Variants in EPB41L4A observed in about 807,000 individuals in gnomAD.
EPB41L4A encodes the protein band 4.1-like protein 4A.
EPB41L4A carries 100 observed loss-of-function variants against 108.6 expected under a neutral mutation model. The ratio of observed to expected loss-of-function variants is 0.92; its 90% CI spans 0.78 to 1.09. EPB41L4A has a LOEUF of 1.09. Ranked by LOEUF, EPB41L4A falls within the 50% of genes least tolerant of loss-of-function variation. EPB41L4A has a pLI of 0.00. For synonymous variants in EPB41L4A, 319 were observed against 289.0 expected (o/e 1.10, Z -1.05); for missense variants, 1,030 against 842.7 (o/e 1.22, Z -2.75).
chr5:112,289,616 C>A (rs903671044), intron 2 of EPB41L4A, among the ~76,000 whole-genome samples: 11 of 152,166 alleles, frequency 7.2e-5, no homozygotes, highest in African/African-American at 2.7e-4. Context: ...TGGATGTTTT[C>A]CCTTGCGAGG....
intron 19 of EPB41L4A, among the ~76,000 whole-genome samples, chr5:112,170,614 TA>T (rs1760519201): frequency 6.6e-6 from 1 of 152,234 alleles, no homozygotes; most frequent in African/African-American, 2.4e-5. Context: ...CATTTCCCTA[TA>T]AAAGATCTGC....
At chr5:112,334,115 C>A (rs972694038) in intron 1 of EPB41L4A, among the ~76,000 whole-genome samples, 1 of 152,034 alleles carries the variant, frequency 6.6e-6, no homozygotes, top group African/African-American at 2.4e-5. Flanking sequence ...ACACAGCCAA[C>A]CATTATTAAT....
At chr5:112,329,183 C>T (rs1019476833) in intron 1 of EPB41L4A, among the ~76,000 whole-genome samples, 9 of 151,974 alleles carry the variant, frequency 5.9e-5, no homozygotes, top group African/African-American at 1.9e-4. Flanking sequence ...AACAAAATTG[C>T]TAATTTTTTA....
intron 1 of EPB41L4A, among the ~76,000 whole-genome samples, chr5:112,396,901 T>C (rs1012874739): frequency 6.6e-6 from 1 of 152,354 alleles, no homozygotes; most frequent in South Asian, 2.1e-4. Flanking sequence ...ATGACCAACA[T>C]GGTGCAAGTA....
At chr5:112,229,979 C>A (rs1748755029) in intron 12 of EPB41L4A, among the ~76,000 whole-genome samples, 1 of 138,530 alleles carries the variant, frequency 7.2e-6, no homozygotes, top group Non-Finnish European at 1.6e-5. Context: ...CAGAGCTAGA[C>A]TCTGTCTCAA....
rs148582213 is a variant in EPB41L4A at position 112,323,909 on chromosome 5, G to C, written c.100-16419C>G. ...TTCTCAAATGCAACACTGGAAACTA[G>C]AGCACAATTAAACATTGACTCCTGA... On this transcript the variant is annotated intron_variant, in intron 1 of 22. Transcript: ENST00000261486. Among the ~76,000 whole-genome samples, 37 of 152,306 alleles carry C rather than the reference G, an allele frequency of 2.4e-4. No homozygotes were observed. In the East Asian group the frequency reaches 6.9e-3, roughly 29 times the overall value.
chr5:112,178,250 G>A (rs887077967), intron 18 of EPB41L4A, among the ~76,000 whole-genome samples: 22 of 152,054 alleles, frequency 1.4e-4, no homozygotes, highest in African/African-American at 5.3e-4. Context: ...AGTTCATCAG[G>A]AAGGAAAAAA....
intron 1 of EPB41L4A, among the ~76,000 whole-genome samples, chr5:112,349,511 GACAA>G (rs1757901059): frequency 6.6e-6 from 1 of 152,190 alleles, no homozygotes; most frequent in Non-Finnish European, 1.5e-5. Context: ...CTGCTATAGG[GACAA>G]ACAGAGAGCT....
In EPB41L4A at chr5:112,148,110, C is replaced by T. The variant is rs543928854; in HGVS notation, n.995-2112G>A. On this transcript the variant is annotated intron_variant and non_coding_transcript_variant, in intron 12 of 13. Coordinates refer to the EPB41L4A transcript ENST00000507810. ...GTATTACTATAATATAATAGTATTA[C>T]TATATAATATAATAATATAATAGTA... Among the ~76,000 whole-genome samples, 246 of 143,718 alleles carry T rather than the reference C, an allele frequency of 1.7e-3. 1 individual carries two copies. Among genetic ancestry groups the T allele is most frequent in the African/African-American group, 5.8e-3 (226 of 39,200 alleles). The allele number at this position is 143,718 out of a possible 152,430, so 94.3% of individuals were successfully genotyped here.
intron 12 of EPB41L4A, among the ~76,000 whole-genome samples, chr5:112,212,034 C>A (rs1355912654): frequency 6.6e-6 from 1 of 152,184 alleles, no homozygotes; most frequent in African/African-American, 2.4e-5. Context: ...AAATGGAACA[C>A]AACCAATTAA....
At chr5:112,380,462 AAGAT>A (rs1314413103) in intron 1 of EPB41L4A, among the ~76,000 whole-genome samples, 2 of 152,136 alleles carry the variant, frequency 1.3e-5, no homozygotes, top group Non-Finnish European at 2.9e-5. Flanking sequence ...AATAACTCTA[AAGAT>A]AGATAGGAAT....
At chr5:112,170,416 A>C (rs368980318) in intron 19 of EPB41L4A, 47 bp from the exon 20 acceptor site, 15 of 1,227,232 alleles carry the variant, frequency 1.2e-5, no homozygotes, top group Non-Finnish European at 1.6e-5. Context: ...GCTGGTATAA[A>C]TGCTAGTATC....
At chr5:112,394,526 C>T (rs1761195477) in intron 1 of EPB41L4A, among the ~76,000 whole-genome samples, 1 of 152,182 alleles carries the variant, frequency 6.6e-6, no homozygotes, top group Non-Finnish European at 1.5e-5. Context: ...AGGAATCCAA[C>T]TTGCAAGGGA....
chr5:112,271,196 A>T (rs1194910112), intron 4 of EPB41L4A, among the ~76,000 whole-genome samples: 4 of 152,224 alleles, frequency 2.6e-5, no homozygotes, highest in Non-Finnish European at 5.9e-5. Flanking sequence ...GGGGATAGTA[A>T]AATGATTCAT....
chr5:112,276,529 T>C (rs1011896281), intron 3 of EPB41L4A, among the ~76,000 whole-genome samples: 3 of 152,218 alleles, frequency 2.0e-5, no homozygotes, highest in South Asian at 2.1e-4. Flanking sequence ...TTACCTGGTA[T>C]ACCAATTAGT....
At chr5:112,160,334 G>A (rs767304668), downstream of EPB41L4A, among the ~76,000 whole-genome samples, 7 of 152,054 alleles carry the variant, frequency 4.6e-5, no homozygotes, top group Non-Finnish European at 8.8e-5. Context: ...CACTTACATT[G>A]TAGAATTTCA....
intron 1 of EPB41L4A, among the ~76,000 whole-genome samples, chr5:112,351,706 G>A (rs889654108): frequency 5.3e-5 from 8 of 152,020 alleles, no homozygotes; most frequent in Non-Finnish European, 1.2e-4. Flanking sequence ...AAAAACTGTA[G>A]GCCTATATCC....
intron 9 of EPB41L4A, 73 bp from the exon 10 acceptor site, chr5:112,240,883 C>T (rs1721657832): frequency 3.6e-6 from 3 of 838,274 alleles, no homozygotes; most frequent in Non-Finnish European, 5.6e-6. Flanking sequence ...ATAACAGCCC[C>T]CTTTAAGTAA....
At chr5:112,347,235 T>C (rs10035153) in intron 1 of EPB41L4A, among the ~76,000 whole-genome samples, 7,328 of 152,302 alleles carry the variant, frequency 0.048, 239 homozygotes, top group Non-Finnish European at 0.069. Context: ...AGGGGATCCA[T>C]GAGGTCAAAA....
Sources: allele counts gnomAD v4.1 joint callset (sites outside exome capture counted in the v4.1 genomes callset), GRCh38; gene constraint gnomAD v4.1.1; transcripts MANE v1.5; gene names NCBI Gene and HGNC (gene_info 2026-07-23, HGNC 2026-07-21).